The following RASA3 variants were observed in gnomAD, a reference collection of about 807,000 sequenced individuals.
RASA3 encodes the protein ras GTPase-activating protein 3.
Under a neutral mutation model 110.0 loss-of-function variants are expected in RASA3, and 73 were observed. That is an observed-to-expected ratio of 0.66 (90% confidence interval 0.55 to 0.81). The LOEUF is 0.81. Ranked by LOEUF, RASA3 falls within the 30% of genes least tolerant of loss-of-function variation. RASA3 has a pLI of 0.00. For missense variants in RASA3, 976 were observed against 1,113.2 expected, an observed-to-expected ratio of 0.88 and a Z score of 1.75; for synonymous variants, 500 against 451.4, an observed-to-expected ratio of 1.11 and a Z score of -1.37.
intron 1 of RASA3, among the ~76,000 whole-genome samples, chr13:114,088,230 T>A (rs2079846168): frequency 6.6e-6 from 1 of 152,202 alleles, no homozygotes; most frequent in South Asian, 2.1e-4. Context: ...GGAATAATAT[T>A]TTGGAAATGT....
chr13:114,080,685 C>CCAGGGGCCACTGAAACAGGGGTCTCCCT, intron 1 of RASA3, among the ~76,000 whole-genome samples: 2 of 152,028 alleles, frequency 1.3e-5, no homozygotes, highest in South Asian at 2.1e-4. Flanking sequence ...GGGGTCTCCC[C>CCAGGGGCCACTGAAACAGGGGTCTCCCT]CAGGGGCCAC....
At chr13:114,012,717 C>A (rs2053665062) in intron 15 of RASA3, among the ~76,000 whole-genome samples, 1 of 145,830 alleles carries the variant, frequency 6.9e-6, no homozygotes, top group African/African-American at 2.6e-5. Context: ...ACACACACTC[C>A]CCATTCCACA....
intron 3 of RASA3, among the ~76,000 whole-genome samples, chr13:114,050,975 G>A (rs1436456031): frequency 6.6e-6 from 1 of 152,250 alleles, no homozygotes; most frequent in Non-Finnish European, 1.5e-5. Context: ...ACACAGGTGA[G>A]CGCTGGGGAA....
rs552567339 is a variant in RASA3 at position 114,020,030 on chromosome 13, G to GC, written c.786-1112_786-1111insG. Among the ~76,000 whole-genome samples the GC allele has an allele frequency of 1.7e-3, 51 of 30,788 alleles. 8 individuals carry two copies. Among genetic ancestry groups the GC allele is most frequent in the East Asian group, 3.4e-3 (3 of 870 alleles). The allele number at this position is 30,788 out of a possible 152,430, so 20.2% of individuals were successfully genotyped here. ...CTGTGTCCGAGGCATTAGCAGCCCT[G>GC]TCAGGTGGGTGGAGCCTGTGTCCGA... On this transcript the variant is annotated intron_variant, in intron 9 of 23. Coordinates refer to ENST00000334062, the MANE Select transcript of RASA3 (RefSeq NM_007368.4).
rs1296241738 is a variant in RASA3 at position 114,115,483 on chromosome 13, G to A, written c.55+16952C>T. Among the ~76,000 whole-genome samples the A allele has an allele frequency of 6.6e-6, 1 of 152,208 alleles. No homozygotes were observed. The highest frequency in any genetic ancestry group is 2.4e-5 in the African/African-American group (1 of 41,440). ...AGACAACTTCCCAGTTTAGAAAATG[G>A]TTAACTGATTCATTAATACTCACTT... On this transcript the variant is annotated intron_variant, in intron 1 of 23. Transcript: ENST00000334062. The surrounding 1 kb of genome is among the most constrained non-coding windows in gnomAD (Gnocchi z 5.0).
chr13:114,056,331 A>T lies in RASA3; in HGVS notation c.174-4176T>A. The T allele has an allele frequency of 1.9e-6, 1 of 525,596 alleles. No homozygotes were observed. The highest frequency in any genetic ancestry group is 2.4e-6 in the Non-Finnish European group (1 of 409,414). 32.6% of individuals were successfully genotyped at this position (525,596 alleles called of 1,614,324 possible). ...TGAGGGGCGGTGAGATGAGGATGCC[A>T]GCGCTAAGCACACCCCACAAACGGG... On this transcript the variant is annotated intron_variant, in intron 2 of 23. Coordinates refer to ENST00000334062, the MANE Select transcript of RASA3 (RefSeq NM_007368.4). This position sits in a 1 kb window ranked among gnomAD's most constrained non-coding sequence, Gnocchi z 5.7.
intron 21 of RASA3, among the ~76,000 whole-genome samples, chr13:113,995,308 G>A (rs1233041253): frequency 6.6e-6 from 1 of 152,256 alleles, no homozygotes; most frequent in Non-Finnish European, 1.5e-5. Flanking sequence ...TTCTGGGGCG[G>A]TGGCCACGCA....
chr13:114,098,969 C>T (rs1281125179), intron 1 of RASA3, among the ~76,000 whole-genome samples: 1 of 150,042 alleles, frequency 6.7e-6, no homozygotes, highest in Non-Finnish European at 1.5e-5. Context: ...ACCCGAGCCC[C>T]CCAGACCACA....
intron 1 of RASA3, among the ~76,000 whole-genome samples, chr13:114,100,603 G>A (rs569213265): frequency 1.3e-5 from 2 of 152,338 alleles, no homozygotes; most frequent in Admixed American, 6.5e-5. Flanking sequence ...CCTAGCAGTT[G>A]GGAAGAAGGC....
chr13:114,087,602 C>T (rs1032058292), intron 1 of RASA3, among the ~76,000 whole-genome samples: 5 of 152,228 alleles, frequency 3.3e-5, no homozygotes, highest in East Asian at 1.9e-4. Flanking sequence ...GGGAGGGCCC[C>T]GGGCAGTGCC....
intron 7 of RASA3, among the ~76,000 whole-genome samples, chr13:114,025,631 G>A (rs1241246541): frequency 6.6e-6 from 1 of 152,250 alleles, no homozygotes; most frequent in East Asian, 1.9e-4. Context: ...CTGATCACCA[G>A]CACGGTGCTG....
intron 1 of RASA3, among the ~76,000 whole-genome samples, chr13:114,106,180 G>A (rs1247616277): frequency 1.3e-5 from 2 of 152,194 alleles, no homozygotes; most frequent in Non-Finnish European, 1.5e-5. Flanking sequence ...AAACATATGG[G>A]TTTAATGTTT....
intron 6 of RASA3, 106 bp from the exon 7 acceptor site, chr13:114,027,567 T>C: frequency 1.1e-6 from 1 of 882,872 alleles, no homozygotes; most frequent in Non-Finnish European, 1.8e-6. Flanking sequence ...ATTGGCTTTA[T>C]TTATTTTATA....
At chr13:114,027,977 C>T (rs372985930) in intron 5 of RASA3, 50 bp from the exon 6 acceptor site, 14 of 1,494,606 alleles carry the variant, frequency 9.4e-6, no homozygotes, top group Middle Eastern at 1.8e-4. Context: ...GACACCTGGG[C>T]GAATGGCGAG....
intron 4 of RASA3, among the ~76,000 whole-genome samples, chr13:114,037,319 T>C (rs2054297217): frequency 6.6e-6 from 1 of 152,124 alleles, no homozygotes; most frequent in Non-Finnish European, 1.5e-5. Flanking sequence ...GCTTCGCACC[T>C]CGGACCATTC....
At chr13:114,093,952 GTC>G (rs2079915555) in intron 1 of RASA3, among the ~76,000 whole-genome samples, 2 of 151,786 alleles carry the variant, frequency 1.3e-5, no homozygotes, top group Non-Finnish European at 1.5e-5. Context: ...TGTAAATTCA[GTC>G]TCTGTTTTCT....
At chr13:113,993,967 A>G (rs2053179098) in intron 21 of RASA3, among the ~76,000 whole-genome samples, 1 of 152,168 alleles carries the variant, frequency 6.6e-6, no homozygotes, top group African/African-American at 2.4e-5. Context: ...CGGGGCTGTT[A>G]TTTTTAGCAA....
At chr13:114,028,332 C>T (rs942097954) in intron 5 of RASA3, among the ~76,000 whole-genome samples, 21 of 106,398 alleles carry the variant, frequency 2.0e-4, no homozygotes, top group Admixed American at 1.9e-4. Context: ...ACAGCGTCAT[C>T]CTGGGGGCCA....
chr13:114,038,535 C>A (rs1371065937), intron 4 of RASA3, among the ~76,000 whole-genome samples: 3 of 152,262 alleles, frequency 2.0e-5, no homozygotes, highest in Non-Finnish European at 4.4e-5. Flanking sequence ...GGCTTCTTGG[C>A]TCCACTCCTT....
Sources: gnomAD v4.1 joint callset for allele counts (sites outside exome capture counted in the v4.1 genomes callset) on GRCh38, gnomAD v4.1.1 for gene constraint, Gnocchi (gnomAD v3.1) non-coding constraint, MANE v1.5 for transcripts, NCBI Gene and HGNC (gene_info 2026-07-23, HGNC 2026-07-21) for gene names.